The following KCNQ1OT1 variants were observed in gnomAD, a reference collection of about 807,000 sequenced individuals.
KCNQ1OT1 encodes KCNQ1 opposite strand/antisense transcript 1.
chr11:2,672,176 C>T (rs1422348591), exon 1 of KCNQ1OT1: 1 of 398,522 alleles, frequency 2.5e-6, no homozygotes, highest in Non-Finnish European at 4.4e-6. Flanking sequence ...TCAGTGTTTT[C>T]TTTAGGTTCA....
At chr11:2,656,617 A>G (rs1849852567) in exon 1 of KCNQ1OT1, 1 of 398,400 alleles carries the variant, frequency 2.5e-6, no homozygotes, top group Non-Finnish European at 4.4e-6. Flanking sequence ...CCCATTTTCT[A>G]TTAAGTCATT....
In KCNQ1OT1 at chr11:2,626,938, G is replaced by A. The variant is rs1258235316; in HGVS notation, n.73057C>T. 1 of 398,382 alleles carries A rather than the reference G, an allele frequency of 2.5e-6. No individual in the cohort carries two copies. Among genetic ancestry groups the A allele is most frequent in the African/African-American group, 2.1e-5 (1 of 48,592 alleles). 24.7% of individuals were successfully genotyped at this position (398,382 alleles called of 1,614,324 possible). On this transcript the variant is annotated non_coding_transcript_exon_variant, in exon 1 of 1. Transcript: ENST00000597346. This position sits in a 1 kb window ranked among gnomAD's most constrained non-coding sequence, Gnocchi z 4.0. The stretch of plus-strand genomic sequence containing the variant: ...GAGATTCCATGTGAATTTTAGGATG[G>A]GGTTTCTTCTTTCTGCAAATAACAT...
chr11:2,686,548 A>G (rs1021599743), exon 1 of KCNQ1OT1: 5 of 398,564 alleles, frequency 1.3e-5, no homozygotes, highest in Admixed American at 4.4e-5. Flanking sequence ...GCCCTGGGCA[A>G]TGTGCTCCTG....
exon 1 of KCNQ1OT1, chr11:2,615,883 T>C (rs2133796826): frequency 2.5e-6 from 1 of 398,170 alleles, no homozygotes; most frequent in East Asian, 3.6e-5. Flanking sequence ...CCTCATAGAA[T>C]GTATTGCAAA....
At position 2,669,402 on chromosome 11, in the gene KCNQ1OT1, A is replaced by C. The variant is rs1458110194; in HGVS notation, n.30593T>G. ...TTTGGGGCTCCTGAAACATGGCATC[A>C]TGTGTCCCTTGTTTATTTAGGTTGA... On this transcript the variant is annotated non_coding_transcript_exon_variant, in exon 1 of 1. Transcript: ENST00000597346. The surrounding 1 kb of genome is among the most constrained non-coding windows in gnomAD (Gnocchi z 5.6). 5.0e-6 allele frequency: 2 copies of C among 398,512 alleles called. No individual in the cohort carries two copies. Among genetic ancestry groups the C allele is most frequent in the Non-Finnish European group, 8.8e-6 (2 of 226,078 alleles). 24.7% of individuals were successfully genotyped at this position (398,512 alleles called of 1,614,324 possible). A position where few individuals can be genotyped will look rare whatever the true frequency, so the allele number is the denominator to read the frequency against.
rs1022796917 is a variant in KCNQ1OT1 at position 2,611,773 on chromosome 11, A to G, written n.88222T>C. On this transcript the variant is annotated non_coding_transcript_exon_variant, in exon 1 of 1. Coordinates refer to ENST00000597346, the Ensembl canonical transcript of KCNQ1OT1. The surrounding 1 kb of genome is among the most constrained non-coding windows in gnomAD (Gnocchi z 5.3). ...GTTATTTATTTTCTATATGTCTCAT[A>G]TCACTTTTGTTCCTCTCTTCCTCCT... 1.0e-5 allele frequency: 4 copies of G among 398,514 alleles called. No individual in the cohort carries two copies. Among genetic ancestry groups the G allele is most frequent in the Non-Finnish European group, 1.8e-5 (4 of 226,030 alleles). The allele number at this position is 398,514 out of a possible 1,614,324, so 24.7% of individuals were successfully genotyped here.
At position 2,677,515 on chromosome 11, in the gene KCNQ1OT1, C is replaced by T; in HGVS notation, n.22480G>A. The T allele has an allele frequency of 2.5e-6, 1 of 398,530 alleles. No homozygotes were observed. The allele number at this position is 398,530 out of a possible 1,614,324, so 24.7% of individuals were successfully genotyped here. A position where few individuals can be genotyped will look rare whatever the true frequency, so the allele number is the denominator to read the frequency against. On this transcript the variant is annotated non_coding_transcript_exon_variant, in exon 1 of 1. Transcript: ENST00000597346. The surrounding 1 kb of genome is among the most constrained non-coding windows in gnomAD (Gnocchi z 4.5). The stretch of plus-strand genomic sequence containing the variant: ...AAAAATGATCCTCTCTGTGGAAGTG[C>T]TGCCAACATCCTCTGCCAAGTATAA...
chr11:2,611,361 A>T lies in KCNQ1OT1; in HGVS notation n.88634T>A, dbSNP rs1036532974. The T allele has an allele frequency of 2.5e-6, 1 of 397,444 alleles. No individual in the cohort carries two copies. Among genetic ancestry groups the T allele is most frequent in the Non-Finnish European group, 4.4e-6 (1 of 225,988 alleles). 24.6% of individuals were successfully genotyped at this position (397,444 alleles called of 1,614,324 possible). On this transcript the variant is annotated non_coding_transcript_exon_variant, in exon 1 of 1. Transcript: ENST00000597346. The surrounding 1 kb of genome is among the most constrained non-coding windows in gnomAD (Gnocchi z 5.3). Reference sequence around the variant, plus strand: ...CAGCATCCCAAGTAGCTGGGACTACAGGCATTTGCCACCATACCCAGCTAA... The same window carrying T: ...CAGCATCCCAAGTAGCTGGGACTACTGGCATTTGCCACCATACCCAGCTAA...
At position 2,663,272 on chromosome 11, in the gene KCNQ1OT1, G is replaced by C. The variant is rs1850003154; in HGVS notation, n.36723C>G. On this transcript the variant is annotated non_coding_transcript_exon_variant, in exon 1 of 1. Transcript: ENST00000597346. This position sits in a 1 kb window ranked among gnomAD's most constrained non-coding sequence, Gnocchi z 5.2. ...AGGGGTGACTAGTCATGGACACCCT[G>C]AGAATAGGGCTCTGAGCTTCTGGGC... The C allele has an allele frequency of 2.5e-6, 1 of 398,594 alleles. No individual in the cohort carries two copies. Among genetic ancestry groups the C allele is most frequent in the Non-Finnish European group, 4.4e-6 (1 of 226,162 alleles). The allele number at this position is 398,594 out of a possible 1,614,324, so 24.7% of individuals were successfully genotyped here.
At chr11:2,666,915 C>A in exon 1 of KCNQ1OT1, 1 of 398,706 alleles carries the variant, frequency 2.5e-6, no homozygotes, top group Non-Finnish European at 4.4e-6. Flanking sequence ...GTCCTGTCTT[C>A]TGCAAAGCTC....
Position 2,621,039 on chromosome 11 carries a change from G to A in KCNQ1OT1, n.78956C>T, listed in dbSNP as rs556842107. Reference sequence around the variant, plus strand: ...GTCTCCCAGGCTGGAGTGCAGTGGCGCAATCTCGGCTCACTGCAACCTCCA... The same window carrying A: ...GTCTCCCAGGCTGGAGTGCAGTGGCACAATCTCGGCTCACTGCAACCTCCA... On this transcript the variant is annotated non_coding_transcript_exon_variant, in exon 1 of 1. Coordinates refer to ENST00000597346, the Ensembl canonical transcript of KCNQ1OT1. The surrounding 1 kb of genome is among the most constrained non-coding windows in gnomAD (Gnocchi z 5.7). The A allele has an allele frequency of 9.8e-4, 387 of 396,018 alleles. 1 individual carries two copies. Among genetic ancestry groups the A allele is most frequent in the African/African-American group, 7.1e-3 (343 of 48,456 alleles). 24.5% of individuals were successfully genotyped at this position (396,018 alleles called of 1,614,324 possible).
chr11:2,663,262 T>C lies in KCNQ1OT1; in HGVS notation n.36733A>G, dbSNP rs1444097796. On this transcript the variant is annotated non_coding_transcript_exon_variant, in exon 1 of 1. Transcript: ENST00000597346. This position sits in a 1 kb window ranked among gnomAD's most constrained non-coding sequence, Gnocchi z 5.2. ...ACTGGAAAGCAGGGGTGACTAGTCA[T>C]GGACACCCTGAGAATAGGGCTCTGA... 1.0e-5 allele frequency: 4 copies of C among 398,528 alleles called. No individual in the cohort carries two copies. The highest frequency in any genetic ancestry group is 3.6e-5 in the East Asian group (1 of 28,072). The allele number at this position is 398,528 out of a possible 1,614,324, so 24.7% of individuals were successfully genotyped here.
rs1590024599 is a variant in KCNQ1OT1 at position 2,675,312 on chromosome 11, A to C, written n.24683T>G. 3.8e-5 allele frequency: 15 copies of C among 398,638 alleles called. No individual in the cohort carries two copies. In the East Asian group the frequency reaches 5.0e-4, roughly 13 times the overall value. The allele number at this position is 398,638 out of a possible 1,614,324, so 24.7% of individuals were successfully genotyped here. A position where few individuals can be genotyped will look rare whatever the true frequency, so the allele number is the denominator to read the frequency against. On this transcript the variant is annotated non_coding_transcript_exon_variant, in exon 1 of 1. Transcript: ENST00000597346. ...CAGAGTTTTGGCAATATAAAACATG[A>C]AAGTGGGATGGGATCTAAGTCATAT...
Position 2,626,834 on chromosome 11 carries a change from A to G in KCNQ1OT1, n.73161T>C, listed in dbSNP as rs1849269958. ...TAGGCCATTGTACCTGGCCTGTAGTAAGTTTTCAAATCAGAAAGTGTGAGT... is the reference window on the plus strand; with the variant it reads ...TAGGCCATTGTACCTGGCCTGTAGTGAGTTTTCAAATCAGAAAGTGTGAGT... On this transcript the variant is annotated non_coding_transcript_exon_variant, in exon 1 of 1. Transcript: ENST00000597346. This position sits in a 1 kb window ranked among gnomAD's most constrained non-coding sequence, Gnocchi z 4.0. 1 of 398,480 alleles carries G rather than the reference A, an allele frequency of 2.5e-6. No individual in the cohort carries two copies. Among genetic ancestry groups the G allele is most frequent in the Non-Finnish European group, 4.4e-6 (1 of 226,066 alleles). The allele number at this position is 398,480 out of a possible 1,614,324, so 24.7% of individuals were successfully genotyped here.
chr11:2,676,538 G>A lies in KCNQ1OT1; in HGVS notation n.23457C>T. On this transcript the variant is annotated non_coding_transcript_exon_variant, in exon 1 of 1. Coordinates refer to ENST00000597346, the Ensembl canonical transcript of KCNQ1OT1. This position sits in a 1 kb window ranked among gnomAD's most constrained non-coding sequence, Gnocchi z 4.2. ...CTTGGCAAAAGGCATAGAGGTAGTG[G>A]TACAGGAAAGGTCTAAGAAGGCTAA... 2.5e-6 allele frequency: 1 copy of A among 398,658 alleles called. No homozygotes were observed. Among genetic ancestry groups the A allele is most frequent in the Non-Finnish European group, 4.4e-6 (1 of 226,080 alleles). The allele number at this position is 398,658 out of a possible 1,614,324, so 24.7% of individuals were successfully genotyped here. A position where few individuals can be genotyped will look rare whatever the true frequency, so the allele number is the denominator to read the frequency against.
Position 2,698,543 on chromosome 11 carries a change from C to T in KCNQ1OT1, n.1452G>A. On this transcript the variant is annotated non_coding_transcript_exon_variant, in exon 1 of 1. Coordinates refer to ENST00000597346, the Ensembl canonical transcript of KCNQ1OT1. This position sits in a 1 kb window ranked among gnomAD's most constrained non-coding sequence, Gnocchi z 5.1. ...CACCACCCCCAACTCAGACTGCAAC[C>T]TTTACTTCGCCCCCTAATTCCTGAC... 1 of 398,514 alleles carries T rather than the reference C, an allele frequency of 2.5e-6. No individual in the cohort carries two copies. The highest frequency in any genetic ancestry group is 3.6e-5 in the East Asian group (1 of 28,058). The allele number at this position is 398,514 out of a possible 1,614,324, so 24.7% of individuals were successfully genotyped here.
Position 2,608,379 on chromosome 11 carries a change from A to T in KCNQ1OT1, n.91616T>A, listed in dbSNP as rs941640515. On this transcript the variant is annotated non_coding_transcript_exon_variant, in exon 1 of 1. Coordinates refer to ENST00000597346, the Ensembl canonical transcript of KCNQ1OT1. The surrounding 1 kb of genome is among the most constrained non-coding windows in gnomAD (Gnocchi z 4.6). ...TCTAGGAATTTGTCAATTTCATCTAAGTTTTATAATTTATTGGCACAAAAT... is the reference window on the plus strand; with the variant it reads ...TCTAGGAATTTGTCAATTTCATCTATGTTTTATAATTTATTGGCACAAAAT... 19 of 398,364 alleles carry T rather than the reference A, an allele frequency of 4.8e-5. No homozygotes were observed. The highest frequency in any genetic ancestry group is 1.8e-5 in the Non-Finnish European group (4 of 226,032). 24.7% of individuals were successfully genotyped at this position (398,364 alleles called of 1,614,324 possible). A position where few individuals can be genotyped will look rare whatever the true frequency, so the allele number is the denominator to read the frequency against.
At chr11:2,646,161 C>T (rs922448082) in exon 1 of KCNQ1OT1, 49 of 398,442 alleles carry the variant, frequency 1.2e-4, no homozygotes, top group Middle Eastern at 6.2e-4. Flanking sequence ...CTCTCAGAGG[C>T]GATCTATATA....
chr11:2,632,366 T>C (rs374939008), exon 1 of KCNQ1OT1: 2 of 398,446 alleles, frequency 5.0e-6, no homozygotes. Flanking sequence ...CTTTATTTCT[T>C]TTCCATATTC....
Sources: allele counts gnomAD v4.1 joint callset, GRCh38; gene constraint gnomAD v4.1.1; non-coding constraint Gnocchi (gnomAD v3.1); transcripts MANE v1.5; gene names NCBI Gene and HGNC (gene_info 2026-07-23, HGNC 2026-07-21).